IMPG2: variants seen among roughly 807,000 people sequenced by gnomAD.
The protein encoded by IMPG2 is IPM 200.
IMPG2 carries 91 observed loss-of-function variants against 129.2 expected under a neutral mutation model. That is an observed-to-expected ratio of 0.70 (90% CI 0.59 to 0.84). The LOEUF (loss-of-function observed/expected upper bound fraction) is 0.84, where lower values mean the gene tolerates loss of function less well. IMPG2 is among the 40% of genes least tolerant of loss of function. The probability of loss-of-function intolerance (pLI) is 0.00; values close to 1 mark genes in which losing one functional copy is unlikely to be tolerated. For missense variants in IMPG2, 1,430 were observed against 1,461.7 expected (o/e 0.98, Z 0.35); for synonymous variants, 510 against 517.7 (o/e 0.99, Z 0.20).
At chr3:101,302,535 G>C (rs537885042) in intron 3 of IMPG2, among the ~76,000 whole-genome samples, 2 of 152,236 alleles carry the variant, frequency 1.3e-5, no homozygotes, top group African/African-American at 4.8e-5. Context: ...ACTGGGTTTG[G>C]ATTTAAGCTC....
At chr3:101,254,192 T>G (rs1297759459) in intron 10 of IMPG2, among the ~76,000 whole-genome samples, 4 of 152,124 alleles carry the variant, frequency 2.6e-5, no homozygotes, top group African/African-American at 9.7e-5. Context: ...ATAATTGCCT[T>G]TTGGGAAGAA....
chr3:101,257,752 T>A lies in IMPG2; in HGVS notation c.930A>T (p.Ala310=), dbSNP rs1458008174. The A allele has an allele frequency of 5.0e-6, 8 of 1,613,278 alleles. No homozygotes were observed. The South Asian group carries it at 7.7e-5, about 16-fold the overall frequency. Residue 310 remains alanine (A), a synonymous_variant, in exon 10 of 19, where the codon GCA becomes GCT. Transcript: ENST00000193391. ...ENDSGVDVYY[A]VTFNGEAISN... Reference sequence around the variant, plus strand: ...TGATGGCCTCACCATTGAAGGTAACTGCATAGTAAACATCTACGCCACTAT... The same window carrying A: ...TGATGGCCTCACCATTGAAGGTAACAGCATAGTAAACATCTACGCCACTAT...
Position 101,232,929 on chromosome 3 carries a change from G to C in IMPG2, c.3085C>G (p.Pro1029Ala), listed in dbSNP as rs762832422. The change falls in exon 15 of 19, where the codon CCC becomes GCC. Residue 1029 changes from proline (P) to alanine (A), a missense_variant. Coordinates refer to ENST00000193391, the MANE Select transcript of IMPG2 (RefSeq NM_016247.4). ...CTGCACTTTGCTTCTCCACTCCAGGGGTTGACCAGACACTCTGAAAATTCA... is the reference window on the plus strand; with the variant it reads ...CTGCACTTTGCTTCTCCACTCCAGGCGTTGACCAGACACTCTGAAAATTCA... Reference protein sequence around the residue: ...CNEFSECLVNPWSGEAKCRCF... With the variant: ...CNEFSECLVNAWSGEAKCRCF... 2 of 1,613,930 alleles carry C rather than the reference G, an allele frequency of 1.2e-6. No individual in the cohort carries two copies. Among genetic ancestry groups the C allele is most frequent in the Non-Finnish European group, 1.7e-6 (2 of 1,179,998 alleles).
chr3:101,294,951 T>C (rs746254698), intron 3 of IMPG2, among the ~76,000 whole-genome samples: 3 of 152,142 alleles, frequency 2.0e-5, no homozygotes, highest in Non-Finnish European at 4.4e-5. Context: ...TTCTTGTAAA[T>C]TTAAGTTCCT....
Position 101,231,107 on chromosome 3 carries a change from T to G in IMPG2, c.3272A>C (p.His1091Pro), listed in dbSNP as rs1317837285. 3 of 1,614,144 alleles carry G rather than the reference T, an allele frequency of 1.9e-6. No homozygotes were observed. Among genetic ancestry groups the G allele is most frequent in the Non-Finnish European group, 2.5e-6 (3 of 1,180,006 alleles). Residue 1091 changes from histidine to proline, a missense_variant, in exon 16 of 19, where the codon CAC (histidine) becomes CCC (proline). By Grantham distance (77) the His-to-Pro change is moderately conservative (BLOSUM62 -2). Coordinates refer to ENST00000193391, the MANE Select transcript of IMPG2 (RefSeq NM_016247.4). ...VGENWWYRGK[H>P]CEEFVSEPVI... ...GGGCTCAGACACAAATTCCTCACAGTGCTTGCCTCGGTACCACCAGTTCTC... is the reference window on the plus strand; with the variant it reads ...GGGCTCAGACACAAATTCCTCACAGGGCTTGCCTCGGTACCACCAGTTCTC...
chr3:101,265,258 C>A (rs1706710488), intron 9 of IMPG2, among the ~76,000 whole-genome samples: 1 of 151,918 alleles, frequency 6.6e-6, no homozygotes, highest in Admixed American at 6.6e-5. Flanking sequence ...GAAAAAATAA[C>A]AAAGCTGATG....
intron 15 of IMPG2, among the ~76,000 whole-genome samples, chr3:101,231,375 A>T (rs908147113): frequency 6.6e-6 from 1 of 152,238 alleles, no homozygotes; most frequent in East Asian, 1.9e-4. Flanking sequence ...AAAACTGAAT[A>T]AAAAGCTAAA....
chr3:101,268,218 G>T (rs1014524812), intron 8 of IMPG2, among the ~76,000 whole-genome samples: 4 of 152,106 alleles, frequency 2.6e-5, no homozygotes, highest in African/African-American at 9.7e-5. Context: ...TTAAATCCTG[G>T]AAATACACCC....
At chr3:101,307,463 A>T (rs925085762) in intron 2 of IMPG2, among the ~76,000 whole-genome samples, 2 of 152,216 alleles carry the variant, frequency 1.3e-5, no homozygotes, top group Non-Finnish European at 2.9e-5. Flanking sequence ...AGGCCTCAGG[A>T]AACTTACAAT....
intron 2 of IMPG2, among the ~76,000 whole-genome samples, chr3:101,307,151 C>G (rs962453730): frequency 6.6e-6 from 1 of 152,166 alleles, no homozygotes; most frequent in African/African-American, 2.4e-5. Flanking sequence ...TGTTCACCAT[C>G]ATTCATTTTT....
At chr3:101,249,720 A>G (rs1706523151) in intron 11 of IMPG2, among the ~76,000 whole-genome samples, 3 of 151,928 alleles carry the variant, frequency 2.0e-5, no homozygotes, top group Admixed American at 1.3e-4. Flanking sequence ...ATCTGAGGAC[A>G]CAAAATTCCC....
intron 2 of IMPG2, among the ~76,000 whole-genome samples, chr3:101,305,549 T>C (rs1449810797): frequency 6.6e-6 from 1 of 152,154 alleles, no homozygotes; most frequent in Non-Finnish European, 1.5e-5. Context: ...TATTATAAAA[T>C]GTTAATAACA....
At chr3:101,240,032 C>T (rs916163436) in intron 14 of IMPG2, among the ~76,000 whole-genome samples, 2 of 149,166 alleles carry the variant, frequency 1.3e-5, no homozygotes, top group South Asian at 2.2e-4. Flanking sequence ...CAGATCTGCA[C>T]GTTCTACACA....
chr3:101,316,981 A>G (rs2107146669), intron 2 of IMPG2, among the ~76,000 whole-genome samples: 1 of 152,250 alleles, frequency 6.6e-6, no homozygotes, highest in South Asian at 2.1e-4. Context: ...AGTATATACC[A>G]AAGAGTATAT....
intron 2 of IMPG2, among the ~76,000 whole-genome samples, chr3:101,316,223 TA>T (rs2058783109): frequency 2.0e-5 from 3 of 152,070 alleles, no homozygotes; most frequent in Admixed American, 2.0e-4. Flanking sequence ...GATCAAAAAC[TA>T]AAAGGATGCT....
intron 2 of IMPG2, among the ~76,000 whole-genome samples, chr3:101,310,959 C>A (rs1707258375): frequency 6.6e-6 from 1 of 152,128 alleles, no homozygotes; most frequent in South Asian, 2.1e-4. Context: ...GAAATTCATT[C>A]TTTTAAGTTA....
intron 4 of IMPG2, among the ~76,000 whole-genome samples, chr3:101,282,216 G>T (rs889532344): frequency 6.6e-6 from 1 of 152,040 alleles, no homozygotes; most frequent in Non-Finnish European, 1.5e-5. Context: ...CATGGAAATC[G>T]TGGGCAAATA....
At chr3:101,235,045 CAT>C (rs1706331247) in intron 14 of IMPG2, among the ~76,000 whole-genome samples, 1 of 152,176 alleles carries the variant, frequency 6.6e-6, no homozygotes, top group African/African-American at 2.4e-5. Context: ...ACCTTATACA[CAT>C]AGACTGAAGG....
In IMPG2 at chr3:101,224,837, A is replaced by T. The variant is rs1401105244; in HGVS notation, c.*2132T>A. The T allele has an allele frequency of 6.6e-6, 1 of 152,232 alleles. No individual in the cohort carries two copies. Among genetic ancestry groups the T allele is most frequent in the Non-Finnish European group, 1.5e-5 (1 of 68,042 alleles). The allele number at this position is 152,232 out of a possible 1,614,324, so 9.4% of individuals were successfully genotyped here. ...GAAGAGCTAAGTGTTTTGCTCTTGC[A>T]TGAAAAGGTCACGCAAAAGGAAATC... On this transcript the variant is annotated 3_prime_UTR_variant, in exon 19 of 19. Transcript: ENST00000193391.
Sources: allele counts gnomAD v4.1 joint callset (sites outside exome capture counted in the v4.1 genomes callset), GRCh38; gene constraint gnomAD v4.1.1; transcripts MANE v1.5; gene names NCBI Gene and HGNC (gene_info 2026-07-23, HGNC 2026-07-21).